The following IL1RAPL1 variants were observed in gnomAD, a reference collection of about 807,000 sequenced individuals.
IL1RAPL1 encodes the protein interleukin-1 receptor accessory protein-like 1.
A neutral mutation model predicts 48.4 loss-of-function variants in IL1RAPL1; 3 were observed. That is an observed-to-expected ratio of 0.06 (90% CI 0.03 to 0.16). The LOEUF (loss-of-function observed/expected upper bound fraction) is 0.16. IL1RAPL1 is among the 10% of genes least tolerant of loss of function. The pLI is 1.00. For missense variants in IL1RAPL1, 349 were observed against 530.6 expected, an observed-to-expected ratio of 0.66 and a Z score of 3.36; for synonymous variants, 185 against 187.7, an observed-to-expected ratio of 0.99 and a Z score of 0.12.
chrX:29,596,395 T>G (rs557023065), intron 5 of IL1RAPL1, among the ~76,000 whole-genome samples: 1 of 112,448 alleles, frequency 8.9e-6, no homozygotes, highest in Admixed American at 9.4e-5. Flanking sequence ...TTGTATCATC[T>G]ATGATTTCTT....
chrX:29,913,383 GAC>G (rs1420999502), intron 6 of IL1RAPL1, among the ~76,000 whole-genome samples: 1 of 74,598 alleles, frequency 1.3e-5, no homozygotes, highest in Non-Finnish European at 2.8e-5. Context: ...CTGTGTGGGT[GAC>G]ACAGTGATAC....
chrX:28,668,265 T>C (rs1473123714), intron 1 of IL1RAPL1, among the ~76,000 whole-genome samples: 2 of 111,752 alleles, frequency 1.8e-5, no homozygotes, highest in African/African-American at 6.5e-5. Context: ...AATTGTTTTT[T>C]TTTTCTTTTT....
intron 1 of IL1RAPL1, among the ~76,000 whole-genome samples, chrX:28,669,573 G>C (rs1346391184): frequency 9.4e-6 from 1 of 106,847 alleles, no homozygotes; most frequent in Non-Finnish European, 1.9e-5. Context: ...AACGGAGATT[G>C]CACTACTGCA....
chrX:28,690,380 A>T, intron 1 of IL1RAPL1, among the ~76,000 whole-genome samples: 1 of 111,698 alleles, frequency 9.0e-6, no homozygotes, highest in East Asian at 2.8e-4. Flanking sequence ...CCCTGTATTA[A>T]ATTCTCTGTA....
At chrX:28,815,835 T>TTATATATATA (rs1426032009) in intron 2 of IL1RAPL1, among the ~76,000 whole-genome samples, 1 of 27,690 alleles carries the variant, frequency 3.6e-5, no homozygotes, top group Non-Finnish European at 6.4e-5. Context: ...GTATGTGTGT[T>TTATATATATA]TATGTATATA....
intron 3 of IL1RAPL1, among the ~76,000 whole-genome samples, chrX:29,299,045 A>C (rs1932492850): frequency 9.2e-6 from 1 of 109,222 alleles, no homozygotes; most frequent in Non-Finnish European, 1.9e-5. Context: ...CACAGCTAGA[A>C]TATAAAGCAG....
chrX:29,228,303 T>G (rs1931124163), intron 2 of IL1RAPL1, among the ~76,000 whole-genome samples: 1 of 99,715 alleles, frequency 1.0e-5, no homozygotes, highest in Admixed American at 1.1e-4. Context: ...CAAATATGCA[T>G]CCCTAAACAC....
At chrX:29,936,353 G>A (rs1933033038) in intron 8 of IL1RAPL1, among the ~76,000 whole-genome samples, 2 of 111,261 alleles carry the variant, frequency 1.8e-5, no homozygotes, top group South Asian at 7.6e-4. Context: ...TATAATGTCT[G>A]TCATGCATTT....
intron 5 of IL1RAPL1, among the ~76,000 whole-genome samples, chrX:29,575,146 T>C (rs1444714194): frequency 8.9e-6 from 1 of 111,876 alleles, no homozygotes; most frequent in African/African-American, 3.3e-5. Context: ...GCTTCCACCT[T>C]TTCAGGTATC....
intron 1 of IL1RAPL1, among the ~76,000 whole-genome samples, chrX:28,695,441 T>A (rs1221237652): frequency 1.8e-5 from 2 of 111,549 alleles, no homozygotes; most frequent in Non-Finnish European, 3.8e-5. Context: ...AGATCCATTC[T>A]TAAATACAAA....
intron 2 of IL1RAPL1, among the ~76,000 whole-genome samples, chrX:28,992,365 C>A (rs1430895327): frequency 9.2e-6 from 1 of 108,951 alleles, no homozygotes; most frequent in Non-Finnish European, 1.9e-5. Context: ...TGGCACATGC[C>A]TGTAATCCCA....
chrX:29,400,304 A>G (rs937105168), intron 5 of IL1RAPL1, among the ~76,000 whole-genome samples: 10 of 112,374 alleles, frequency 8.9e-5, no homozygotes, highest in Non-Finnish European at 1.7e-4. Context: ...CTTATTTCAT[A>G]GGGTTTTTGC....
chrX:29,708,316 A>T lies in IL1RAPL1; in HGVS notation c.778+39812A>T, dbSNP rs766118884. Among the ~76,000 whole-genome samples, 4 of 111,521 alleles carry T rather than the reference A, an allele frequency of 3.6e-5. No individual in the cohort carries two copies. The East Asian group carries it at 1.1e-3, about 31-fold the overall frequency. ...GTTTGAAATACACACTACATTATTA[A>T]CTGTGGTCACCGTAGAGTGCAATAA... On this transcript the variant is annotated intron_variant, in intron 6 of 10. Transcript: ENST00000378993.
chrX:29,430,381 C>G (rs1201000755), intron 5 of IL1RAPL1, among the ~76,000 whole-genome samples: 1 of 110,927 alleles, frequency 9.0e-6, no homozygotes, highest in Non-Finnish European at 1.9e-5. Flanking sequence ...ATGGACAGGC[C>G]TCTTCTCCAT....
intron 5 of IL1RAPL1, among the ~76,000 whole-genome samples, chrX:29,527,876 A>G (rs1355896824): frequency 8.9e-6 from 1 of 112,012 alleles, no homozygotes; most frequent in Non-Finnish European, 1.9e-5. Context: ...TTTACAAAAA[A>G]TATATAAATG....
intron 1 of IL1RAPL1, among the ~76,000 whole-genome samples, chrX:28,757,515 A>G (rs1300575594): frequency 1.8e-5 from 2 of 112,455 alleles, no homozygotes; most frequent in African/African-American, 6.5e-5. Context: ...GTGAGGCCAC[A>G]ATGACAGATG....
chrX:28,806,850 C>T (rs1936738715), intron 2 of IL1RAPL1, among the ~76,000 whole-genome samples: 1 of 110,815 alleles, frequency 9.0e-6, no homozygotes, highest in African/African-American at 3.3e-5. Flanking sequence ...TTTCCGGCTT[C>T]CTGTGAATTG....
chrX:29,031,892 G>A (rs944959893), intron 2 of IL1RAPL1, among the ~76,000 whole-genome samples: 3 of 111,372 alleles, frequency 2.7e-5, no homozygotes, highest in East Asian at 2.8e-4. Flanking sequence ...TAAAGTTCTC[G>A]GAATGTAAGT....
chrX:29,884,462 C>G (rs1932098355), intron 6 of IL1RAPL1, among the ~76,000 whole-genome samples: 2 of 110,475 alleles, frequency 1.8e-5, no homozygotes, highest in South Asian at 8.0e-4. Context: ...TCTGGTCACT[C>G]CCTCTCACTC....
Sources: gnomAD v4.1 joint callset for allele counts (sites outside exome capture counted in the v4.1 genomes callset) on GRCh38, gnomAD v4.1.1 for gene constraint, MANE v1.5 for transcripts, NCBI Gene and HGNC (gene_info 2026-07-23, HGNC 2026-07-21) for gene names.